The following UPRT variants were observed in gnomAD, a reference collection of about 807,000 sequenced individuals.
UPRT encodes RP11-311P8.3.
Under a neutral mutation model 22.6 loss-of-function variants are expected in UPRT, and 5 were observed. The observed-to-expected ratio is 0.22, with a 90% confidence interval of 0.12 to 0.47. The LOEUF (loss-of-function observed/expected upper bound fraction) is 0.47. Among genes scored for constraint, UPRT ranks in the 20% least tolerant of loss-of-function variants. UPRT has a pLI of 0.99. For synonymous variants in UPRT, 77 were observed against 87.7 expected (o/e 0.88, Z 0.68); for missense variants, 181 against 239.9 (o/e 0.75, Z 1.62).
intron 2 of UPRT, among the ~76,000 whole-genome samples, chrX:75,162,236 G>A (rs754892943): frequency 2.0e-4 from 22 of 109,706 alleles, no homozygotes; most frequent in Non-Finnish European, 4.2e-4. Context: ...ACAGGCGTGA[G>A]CCACCACGCC....
intron 4 of UPRT, among the ~76,000 whole-genome samples, chrX:75,248,299 T>C (rs775311493): frequency 1.4e-4 from 15 of 110,851 alleles, no homozygotes; most frequent in Non-Finnish European, 2.6e-4. Flanking sequence ...GCAAAGAAGA[T>C]AAAAACCTTG....
chrX:75,248,176 C>T (rs769423948), intron 4 of UPRT, among the ~76,000 whole-genome samples: 29 of 111,884 alleles, frequency 2.6e-4, no homozygotes, highest in Non-Finnish European at 5.1e-4. Context: ...TCCAAAGGAA[C>T]GCAGCTCCTC....
chrX:75,239,317 T>A (rs956565664), intron 4 of UPRT, among the ~76,000 whole-genome samples: 3 of 111,563 alleles, frequency 2.7e-5, no homozygotes, highest in African/African-American at 9.7e-5. Context: ...TCTTTCAAGG[T>A]TGCTGTGAAC....
intron 4 of UPRT, among the ~76,000 whole-genome samples, chrX:75,188,459 G>T (rs981450290): frequency 2.7e-5 from 3 of 112,441 alleles, no homozygotes; most frequent in African/African-American, 9.7e-5. Context: ...GTCTGTAGAG[G>T]TTACTGCTGT....
intron 4 of UPRT, among the ~76,000 whole-genome samples, chrX:75,214,072 A>G (rs1287585697): frequency 8.9e-6 from 1 of 112,252 alleles, no homozygotes; most frequent in African/African-American, 3.2e-5. Context: ...GACTGATGAC[A>G]TTCTGGGCCA....
intron 2 of UPRT, chrX:75,294,533 TG>T: frequency 1.0e-6 from 1 of 952,917 alleles, no homozygotes; most frequent in Non-Finnish European, 1.3e-6. Flanking sequence ...AAAAGGAATG[TG>T]AAAAAAAGGC....
chrX:75,289,649 A>G (rs1200181923), intron 1 of UPRT, among the ~76,000 whole-genome samples: 1 of 111,410 alleles, frequency 9.0e-6, no homozygotes, highest in East Asian at 2.8e-4. Flanking sequence ...ACCCAGAAAT[A>G]AAGCCACAGA....
At chrX:75,171,356 G>A (rs1463565740) in intron 4 of UPRT, among the ~76,000 whole-genome samples, 5 of 111,399 alleles carry the variant, frequency 4.5e-5, no homozygotes, top group Non-Finnish European at 7.5e-5. Flanking sequence ...TTGCTTGTTC[G>A]ATTCTATTGC....
chrX:75,207,760 G>A (rs756741070), intron 4 of UPRT, among the ~76,000 whole-genome samples: 1 of 111,426 alleles, frequency 9.0e-6, no homozygotes, highest in African/African-American at 3.3e-5. Context: ...ATATTTTTAG[G>A]CAGGGTGGCC....
chrX:75,241,277 C>G, intron 4 of UPRT, among the ~76,000 whole-genome samples: 1 of 111,266 alleles, frequency 9.0e-6, no homozygotes, highest in Middle Eastern at 4.7e-3. Flanking sequence ...CATGACTAGA[C>G]AATTCCCAAA....
chrX:75,177,841 A>G (rs1241023902), intron 4 of UPRT, among the ~76,000 whole-genome samples: 1 of 112,070 alleles, frequency 8.9e-6, no homozygotes, highest in Non-Finnish European at 1.9e-5. Context: ...TGGAGTTTAT[A>G]CTAGAAGTCA....
intron 4 of UPRT, among the ~76,000 whole-genome samples, chrX:75,200,415 G>A (rs1479521993): frequency 9.0e-6 from 1 of 111,471 alleles, no homozygotes; most frequent in Non-Finnish European, 1.9e-5. Context: ...CCAACATGGT[G>A]AAACCTGGTC....
intron 4 of UPRT, among the ~76,000 whole-genome samples, chrX:75,245,373 A>C (rs954105695): frequency 8.9e-6 from 1 of 111,824 alleles, no homozygotes; most frequent in Non-Finnish European, 1.9e-5. Context: ...CATTGTGGAA[A>C]GCAGTTTGGT....
chrX:75,240,397 G>A (rs1306282309), intron 4 of UPRT, among the ~76,000 whole-genome samples: 2 of 111,090 alleles, frequency 1.8e-5, no homozygotes, highest in African/African-American at 6.5e-5. Flanking sequence ...TAACCAAAGA[G>A]GTAAAATATC....
At chrX:75,293,575 C>A (rs1449665624) in intron 2 of UPRT, 61 bp downstream of exon 2, 3 of 1,092,108 alleles carry the variant, frequency 2.7e-6, no homozygotes, top group African/African-American at 3.8e-5. Flanking sequence ...CCATGGTAGA[C>A]CAAGGGATAT....
intron 4 of UPRT, among the ~76,000 whole-genome samples, chrX:75,211,103 C>G (rs1340121560): frequency 9.1e-6 from 1 of 109,999 alleles, no homozygotes; most frequent in Non-Finnish European, 1.9e-5. Flanking sequence ...GATGAGACAC[C>G]CGAGAGTGGT....
intron 4 of UPRT, among the ~76,000 whole-genome samples, chrX:75,168,821 G>A (rs2082219437): frequency 9.0e-6 from 1 of 111,566 alleles, no homozygotes; most frequent in Non-Finnish European, 1.9e-5. Context: ...GAGCCACTGT[G>A]CCTGGCTGTG....
chrX:75,229,358 AG>A (rs2082431674), intron 4 of UPRT, among the ~76,000 whole-genome samples: 1 of 112,307 alleles, frequency 8.9e-6, no homozygotes, highest in South Asian at 3.7e-4. Context: ...CAGGCATTAA[AG>A]AAAAAATTTT....
chrX:75,296,270 C>T, intron 2 of UPRT, 72 bp from the exon 3 acceptor site: 2 of 1,043,490 alleles, frequency 1.9e-6, no homozygotes, highest in Non-Finnish European at 2.7e-6. Flanking sequence ...GCCTACTGTT[C>T]AGCTCCTGAA....
Sources: gnomAD v4.1 joint callset for allele counts (sites outside exome capture counted in the v4.1 genomes callset) on GRCh38, gnomAD v4.1.1 for gene constraint, MANE v1.5 for transcripts, NCBI Gene and HGNC (gene_info 2026-07-23, HGNC 2026-07-21) for gene names.